Variants in SLIT2 observed in about 807,000 individuals in gnomAD.
SLIT2 encodes the protein slit guidance ligand 2, also known as slit homolog 2 protein.
A neutral mutation model predicts 185.7 loss-of-function variants in SLIT2; 41 were observed. The observed-to-expected ratio is 0.22, with a 90% CI of 0.17 to 0.29. The LOEUF (loss-of-function observed/expected upper bound fraction) is 0.29, where lower values mean the gene tolerates loss of function less well. Ranked by LOEUF, SLIT2 falls within the 10% of genes least tolerant of loss-of-function variation. The probability of loss-of-function intolerance (pLI) is 1.00; values close to 1 mark genes in which losing one functional copy is unlikely to be tolerated. For missense variants in SLIT2, 1,571 were observed against 1,909.0 expected (o/e 0.82, Z 3.30); for synonymous variants, 693 against 680.2 (o/e 1.02, Z -0.29).
At chr4:20,436,627 C>G (rs1335816671) in intron 4 of SLIT2, among the ~76,000 whole-genome samples, 1 of 152,110 alleles carries the variant, frequency 6.6e-6, no homozygotes, top group Admixed American at 6.5e-5. Flanking sequence ...AAACTGTAAC[C>G]TAAAGTGAAA....
chr4:20,321,191 A>G lies in SLIT2; in HGVS notation c.395+52310A>G, dbSNP rs146858038. ...AATTTACCAGCTCTCCTCCAAACCA[A>G]TGTCTTCTCTTGCTTTTGCTGTTTC... On this transcript the variant is annotated intron_variant, in intron 4 of 36. Coordinates refer to ENST00000504154, the MANE Select transcript of SLIT2 (RefSeq NM_004787.4). 3.4e-4 allele frequency among the ~76,000 whole-genome samples: 52 copies of G among 152,162 alleles called. 1 individual carries two copies. The South Asian group carries it at 4.8e-3, about 14-fold the overall frequency.
At chr4:20,302,572 A>G (rs1449110026) in intron 4 of SLIT2, among the ~76,000 whole-genome samples, 1 of 152,172 alleles carries the variant, frequency 6.6e-6, no homozygotes, top group Non-Finnish European at 1.5e-5. Flanking sequence ...CTTTGAGATA[A>G]AGCGTTCATG....
intron 4 of SLIT2, among the ~76,000 whole-genome samples, chr4:20,302,945 GAAATCTTATCCCATTATCTACATT>G (rs1437759456): frequency 5.9e-5 from 9 of 151,832 alleles, no homozygotes; most frequent in Non-Finnish European, 7.4e-5. Context: ...ATTCACTGAT[GAAATCTTATCCCATTATCTACATT>G]AAATCTTATC....
At chr4:20,494,853 A>C (rs554831943) in intron 9 of SLIT2, among the ~76,000 whole-genome samples, 2 of 152,286 alleles carry the variant, frequency 1.3e-5, no homozygotes, top group South Asian at 4.1e-4. Flanking sequence ...CTTGAGGCAA[A>C]AATTTTGGAG....
chr4:20,458,364 A>G (rs1304241112), intron 4 of SLIT2, among the ~76,000 whole-genome samples: 1 of 152,154 alleles, frequency 6.6e-6, no homozygotes, highest in African/African-American at 2.4e-5. Context: ...AACAAATGCC[A>G]TGTTTGTAAA....
intron 5 of SLIT2, among the ~76,000 whole-genome samples, chr4:20,473,839 T>A (rs1277725433): frequency 2.0e-5 from 3 of 152,080 alleles, no homozygotes; most frequent in African/African-American, 7.2e-5. Context: ...ATGTAAATTT[T>A]ACCAGGCAAA....
At chr4:20,386,492 T>C (rs143447311) in intron 4 of SLIT2, among the ~76,000 whole-genome samples, 30 of 152,320 alleles carry the variant, frequency 2.0e-4, no homozygotes, top group African/African-American at 6.3e-4. Context: ...TTGAGCAGCA[T>C]TTATGAAGCC....
chr4:20,472,381 T>TATAG (rs1715336064), intron 5 of SLIT2, among the ~76,000 whole-genome samples: 1 of 46,356 alleles, frequency 2.2e-5, no homozygotes, highest in African/African-American at 1.1e-4. Context: ...TATATCTATA[T>TATAG]ATATGTAGAT....
chr4:20,253,856 G>T lies in SLIT2; in HGVS notation c.41G>T (p.Gly14Val). ...VGWQMLSLSL[G>V]LVLAILNKVA... is the part of the protein sequence containing the mutation. Reference sequence around the variant, plus strand: ...TGGCAGATGCTGTCCCTGTCGCTGGGGTTAGTGCTGGCGATCCTGAACAAG... The same window carrying T: ...TGGCAGATGCTGTCCCTGTCGCTGGTGTTAGTGCTGGCGATCCTGAACAAG... Residue 14 changes from glycine to valine, a missense_variant, in exon 1 of 37, where the codon GGG becomes GTG. Around this residue, in one of 3 missense-constraint regions of SLIT2, gnomAD observed 1,202 missense variants for 1,416.4 expected, o/e 0.85. Coordinates refer to ENST00000504154, the MANE Select transcript of SLIT2 (RefSeq NM_004787.4). 6.2e-7 allele frequency: 1 copy of T among 1,600,464 alleles called. No individual in the cohort carries two copies.
chr4:20,304,618 T>C (rs1300951940), intron 4 of SLIT2, among the ~76,000 whole-genome samples: 1 of 152,084 alleles, frequency 6.6e-6, no homozygotes, highest in East Asian at 1.9e-4. Context: ...GAGTGCACCA[T>C]CTTGGAACAG....
intron 16 of SLIT2, 135 bp from the exon 17 acceptor site, chr4:20,531,849 T>A: frequency 1.9e-6 from 1 of 538,588 alleles, no homozygotes; most frequent in South Asian, 2.7e-5. Flanking sequence ...GTTCCACAAA[T>A]CTTCTGTGAT....
intron 4 of SLIT2, among the ~76,000 whole-genome samples, chr4:20,290,634 T>G (rs1715709508): frequency 6.6e-6 from 1 of 152,188 alleles, no homozygotes; most frequent in Non-Finnish European, 1.5e-5. Context: ...CACTAGAGCT[T>G]GAAAACAGGG....
At chr4:20,405,556 C>T (rs1424210129) in intron 4 of SLIT2, among the ~76,000 whole-genome samples, 1 of 151,716 alleles carries the variant, frequency 6.6e-6, no homozygotes, top group African/African-American at 2.4e-5. Flanking sequence ...TTGTGCTTGC[C>T]GTTCTTCACT....
chr4:20,533,712 C>T lies in SLIT2; in HGVS notation c.1829C>T (p.Thr610Ile). Residue 610 changes from threonine to isoleucine, a missense_variant, in exon 18 of 37, where the codon ACT becomes ATT. Physicochemically the swap from Thr to Ile is moderately conservative, Grantham distance 89 (BLOSUM62 -1). This residue lies in a region of SLIT2 where 1,202 missense variants were observed against 1,416.4 expected (regional missense o/e 0.85). Transcript: ENST00000504154. ...TTCAAGGGATTGGAAAGCCTCAAAACTTTGTAAGTATTTGTACTTGCATTG... is the reference window on the plus strand; with the variant it reads ...TTCAAGGGATTGGAAAGCCTCAAAATTTTGTAAGTATTTGTACTTGCATTG... ...KMFKGLESLK[T>I]LMLRSNRITC... 1 of 1,610,186 alleles carries T rather than the reference C, an allele frequency of 6.2e-7. No homozygotes were observed. Among genetic ancestry groups the T allele is most frequent in the Non-Finnish European group, 8.5e-7 (1 of 1,178,748 alleles).
chr4:20,426,870 A>G (rs28524040), intron 4 of SLIT2, among the ~76,000 whole-genome samples: 5,400 of 152,262 alleles, frequency 0.035, 339 homozygotes, highest in African/African-American at 0.12. Flanking sequence ...TGTTTTTCCC[A>G]GAGAAATAAC....
chr4:20,415,149 C>T (rs149397693), intron 4 of SLIT2, among the ~76,000 whole-genome samples: 2,339 of 152,236 alleles, frequency 0.015, 43 homozygotes, highest in African/African-American at 0.037. Context: ...CGGTGGCCCG[C>T]GCCTGTAATC....
At chr4:20,441,730 G>A (rs1002570171) in intron 4 of SLIT2, among the ~76,000 whole-genome samples, 5 of 152,064 alleles carry the variant, frequency 3.3e-5, no homozygotes, top group African/African-American at 1.2e-4. Flanking sequence ...GTAAACATGG[G>A]TCCTACCTGC....
intron 29 of SLIT2, among the ~76,000 whole-genome samples, chr4:20,570,507 CG>C (rs1255776256): frequency 6.6e-6 from 1 of 151,498 alleles, no homozygotes; most frequent in Non-Finnish European, 1.5e-5. Flanking sequence ...CCAAGAAGCC[CG>C]ATGTTTGCAC....
chr4:20,291,816 G>T (rs1715972657), intron 4 of SLIT2, among the ~76,000 whole-genome samples: 1 of 151,754 alleles, frequency 6.6e-6, no homozygotes, highest in Admixed American at 6.6e-5. Context: ...AAAATAATTT[G>T]CAGCTTTCTT....
Sources: allele counts gnomAD v4.1 joint callset (sites outside exome capture counted in the v4.1 genomes callset), GRCh38; gene constraint gnomAD v4.1.1; regional missense constraint gnomAD v4.1.1; transcripts MANE v1.5; gene names NCBI Gene and HGNC (gene_info 2026-07-23, HGNC 2026-07-21).